The following DSCAML1 variants were observed in gnomAD, a reference collection of about 807,000 sequenced individuals.
DSCAML1 encodes DS cell adhesion molecule like 1.
DSCAML1 carries 38 observed loss-of-function variants against 200.5 expected under a neutral mutation model. That is an observed-to-expected ratio of 0.19 (90% CI 0.15 to 0.25). The LOEUF is 0.25. DSCAML1 is among the 10% of genes least tolerant of loss of function. DSCAML1 has a pLI of 1.00. For missense variants in DSCAML1, 2,223 were observed against 2,858.8 expected, an observed-to-expected ratio of 0.78 and a Z score of 5.07; for synonymous variants, 1,215 against 1,165.0, an observed-to-expected ratio of 1.04 and a Z score of -0.87.
chr11:117,589,800 C>T (rs571391523), intron 3 of DSCAML1, among the ~76,000 whole-genome samples: 18 of 152,282 alleles, frequency 1.2e-4, no homozygotes, highest in Admixed American at 7.8e-4. Flanking sequence ...CTTTCTTGCT[C>T]CTTTGAGTTT....
intron 3 of DSCAML1, among the ~76,000 whole-genome samples, chr11:117,737,592 C>T (rs1023798243): frequency 6.6e-6 from 1 of 152,190 alleles, no homozygotes; most frequent in Admixed American, 6.5e-5. Flanking sequence ...TGGAACACAC[C>T]GTACCGCTGA....
In DSCAML1 at chr11:117,692,479, G is replaced by A. The variant is rs75570864; in HGVS notation, c.511+84312C>T. Among the ~76,000 whole-genome samples, 65 of 152,050 alleles carry A rather than the reference G, an allele frequency of 4.3e-4. No homozygotes were observed. In the East Asian group the frequency reaches 0.011, roughly 25 times the overall value. On this transcript the variant is annotated intron_variant, in intron 3 of 32. Transcript: ENST00000651296. ...AGGGCTCTGTCCATTGTAGGTACTC[G>A]ATAACTAGATGTTGGTCAGGATTTT...
intron 3 of DSCAML1, among the ~76,000 whole-genome samples, chr11:117,689,841 C>A (rs1232757633): frequency 1.3e-5 from 2 of 152,206 alleles, no homozygotes; most frequent in Non-Finnish European, 2.9e-5. Context: ...GAACTTAATT[C>A]TGCATAATGT....
chr11:117,531,915 A>G (rs143826294), intron 4 of DSCAML1, among the ~76,000 whole-genome samples: 4 of 108,068 alleles, frequency 3.7e-5, no homozygotes, highest in African/African-American at 1.1e-4. Flanking sequence ...GAAGGGAAGG[A>G]AAGGGAAGGG....
Position 117,433,222 on chromosome 11 carries a change from C to T in DSCAML1, c.4942G>A (p.Gly1648Arg). ...TGTAGCCGTGGGCCCTGGGGTGGCC[C>T]TTTCACAGGGGTGTCAAAGCTTCTA... Reference protein sequence around the residue: ...NNRSFDTPVKGPPQGPRLHID... With the variant: ...NNRSFDTPVKRPPQGPRLHID... The change falls in exon 29 of 33, where the codon GGG (glycine) becomes AGG (arginine). Residue 1648 changes from glycine (G) to arginine (R), a missense_variant. Physicochemically the swap from Gly to Arg is moderately radical, Grantham distance 125. This residue lies in a region of DSCAML1 where 614 missense variants were observed against 739.1 expected (regional missense o/e 0.83). Coordinates refer to ENST00000651296, the MANE Select transcript of DSCAML1 (RefSeq NM_020693.4). 2 of 1,613,200 alleles carry T rather than the reference C, an allele frequency of 1.2e-6. No homozygotes were observed. The highest frequency in any genetic ancestry group is 2.2e-5 in the East Asian group (1 of 44,850).
intron 8 of DSCAML1, among the ~76,000 whole-genome samples, chr11:117,510,703 A>G (rs1027135518): frequency 6.6e-6 from 1 of 152,154 alleles, no homozygotes; most frequent in African/African-American, 2.4e-5. Context: ...AGCTGTATTC[A>G]TAGAACCTAA....
Position 117,465,201 on chromosome 11 carries a change from G to T in DSCAML1, c.3025-19C>A. 1 of 1,610,298 alleles carries T rather than the reference G, an allele frequency of 6.2e-7. No homozygotes were observed. On this transcript the variant is annotated intron_variant, in intron 16 of 32. Coordinates refer to ENST00000651296, the MANE Select transcript of DSCAML1 (RefSeq NM_020693.4). Reference sequence around the variant, plus strand: ...TGGGTGCCTGTGAGCATGGGGTGGGGGTGGGCACAAAGAAATGGCAACACG... The same window carrying T: ...TGGGTGCCTGTGAGCATGGGGTGGGTGTGGGCACAAAGAAATGGCAACACG...
intron 3 of DSCAML1, among the ~76,000 whole-genome samples, chr11:117,604,729 T>A (rs980049620): frequency 6.6e-6 from 1 of 151,676 alleles, no homozygotes; most frequent in Non-Finnish European, 1.5e-5. Context: ...CAGTGGCAGA[T>A]GAGATAGGAA....
intron 3 of DSCAML1, among the ~76,000 whole-genome samples, chr11:117,773,853 C>T (rs1194387097): frequency 6.6e-6 from 1 of 152,118 alleles, no homozygotes; most frequent in Non-Finnish European, 1.5e-5. Flanking sequence ...GGCTGGAGGG[C>T]TGGGCCAGGA....
intron 3 of DSCAML1, among the ~76,000 whole-genome samples, chr11:117,701,075 G>A (rs1205505657): frequency 6.6e-6 from 1 of 152,162 alleles, no homozygotes; most frequent in East Asian, 1.9e-4. Context: ...AGACCAGCCT[G>A]GCCAACATGG....
At chr11:117,551,795 G>T (rs1037573765) in intron 3 of DSCAML1, among the ~76,000 whole-genome samples, 8 of 87,264 alleles carry the variant, frequency 9.2e-5, no homozygotes, top group African/African-American at 1.7e-4. Context: ...TGGCGGCTGT[G>T]GGGGGCATCT....
At chr11:117,538,824 CTG>C (rs2050212939) in intron 3 of DSCAML1, among the ~76,000 whole-genome samples, 1 of 115,928 alleles carries the variant, frequency 8.6e-6, no homozygotes, top group African/African-American at 3.4e-5. Flanking sequence ...GAGGGGGAAA[CTG>C]GGGGTTTGGG....
intron 3 of DSCAML1, among the ~76,000 whole-genome samples, chr11:117,544,549 C>A (rs1390689984): frequency 6.6e-6 from 1 of 152,148 alleles, no homozygotes; most frequent in Non-Finnish European, 1.5e-5. Flanking sequence ...CTTTTGGTTC[C>A]ACCTGCTGAT....
chr11:117,505,769 T>C lies in DSCAML1; in HGVS notation c.1784-37A>G. ...AGCGGGTGCTGCCGTCAGGACCCTG[T>C]GCATTCTCACCTGGCCGCCAACGCC... On this transcript the variant is annotated intron_variant, in intron 8 of 32. Transcript: ENST00000651296. This position sits in a 1 kb window ranked among gnomAD's most constrained non-coding sequence, Gnocchi z 6.7. 1 of 1,585,350 alleles carries C rather than the reference T, an allele frequency of 6.3e-7. No homozygotes were observed. The highest frequency in any genetic ancestry group is 8.6e-7 in the Non-Finnish European group (1 of 1,165,494).
At chr11:117,537,790 G>A (rs1412418788) in intron 3 of DSCAML1, among the ~76,000 whole-genome samples, 1 of 152,168 alleles carries the variant, frequency 6.6e-6, no homozygotes, top group Non-Finnish European at 1.5e-5. Flanking sequence ...GCAACGAAAC[G>A]CAAGGATTGC....
intron 3 of DSCAML1, among the ~76,000 whole-genome samples, chr11:117,718,099 G>A (rs1328884332): frequency 6.6e-6 from 1 of 152,252 alleles, no homozygotes; most frequent in Non-Finnish European, 1.5e-5. Context: ...GCACGTCCGT[G>A]GCAGGCGGAG....
upstream of DSCAML1, among the ~76,000 whole-genome samples, chr11:117,799,318 C>T (rs2055635235): frequency 6.6e-6 from 1 of 152,178 alleles, no homozygotes; most frequent in Non-Finnish European, 1.5e-5. Context: ...GGGCTGCTGT[C>T]TGCTGGGAGG....
intron 3 of DSCAML1, among the ~76,000 whole-genome samples, chr11:117,722,658 G>T (rs2054059840): frequency 6.6e-6 from 1 of 152,098 alleles, no homozygotes; most frequent in African/African-American, 2.4e-5. Context: ...ATATACAATT[G>T]TATGGCAACT....
intron 11 of DSCAML1, among the ~76,000 whole-genome samples, chr11:117,487,931 A>G (rs984514988): frequency 6.6e-6 from 1 of 152,208 alleles, no homozygotes; most frequent in Non-Finnish European, 1.5e-5. Context: ...AAAGGAGTCA[A>G]TTAAGGCCTG....
Sources: gnomAD v4.1 joint callset for allele counts (sites outside exome capture counted in the v4.1 genomes callset) on GRCh38, gnomAD v4.1.1 for gene constraint, gnomAD v4.1.1 regional missense constraint, Gnocchi (gnomAD v3.1) non-coding constraint, MANE v1.5 for transcripts, NCBI Gene and HGNC (gene_info 2026-07-23, HGNC 2026-07-21) for gene names.